SYNE2: variants seen among roughly 807,000 people sequenced by gnomAD.
SYNE2 encodes nesprin-2.
SYNE2 carries 431 observed loss-of-function variants against 856.3 expected under a neutral mutation model. The observed-to-expected ratio is 0.50, with a 90% CI of 0.47 to 0.55. SYNE2 has a LOEUF of 0.55. Ranked by LOEUF, SYNE2 falls within the 20% of genes least tolerant of loss-of-function variation. The pLI, the probability that SYNE2 is intolerant of heterozygous loss-of-function variation, is 0.00. For missense variants in SYNE2, 8,129 were observed against 8,023.2 expected, an observed-to-expected ratio of 1.01 and a Z score of -0.50; for synonymous variants, 2,923 against 2,872.3, an observed-to-expected ratio of 1.02 and a Z score of -0.56.
chr14:63,859,402 T>C lies in SYNE2; in HGVS notation c.-52+6259T>C, dbSNP rs370788000. On this transcript the variant is annotated intron_variant, in intron 1 of 115. Transcript: ENST00000555002. ...TATTCCAGTTTCCTTAGGTCATTGA[T>C]TTGTGACTTTTCTTCTTTTCTGATA... 2.6e-4 allele frequency among the ~76,000 whole-genome samples: 39 copies of C among 152,346 alleles called. 1 individual carries two copies. The highest frequency in any genetic ancestry group is 9.1e-4 in the African/African-American group (38 of 41,592).
chr14:64,055,457 C>T (rs1444119761), intron 48 of SYNE2, among the ~76,000 whole-genome samples: 1 of 151,414 alleles, frequency 6.6e-6, no homozygotes, highest in Non-Finnish European at 1.5e-5. Flanking sequence ...CAACCTCCGC[C>T]TCCCGGGTTC....
chr14:64,043,723 G>T (rs1444111421), intron 45 of SYNE2, among the ~76,000 whole-genome samples: 2 of 152,196 alleles, frequency 1.3e-5, no homozygotes, highest in Non-Finnish European at 2.9e-5. Context: ...GTGAACCTCT[G>T]CCTAGATTTC....
chr14:63,863,915 C>G (rs564614773), intron 1 of SYNE2, among the ~76,000 whole-genome samples: 4 of 152,232 alleles, frequency 2.6e-5, no homozygotes, highest in Admixed American at 1.3e-4. Flanking sequence ...ACCTCCACCT[C>G]CCGGGTTCAA....
At chr14:63,961,350 C>T (rs1022107522) in intron 8 of SYNE2, among the ~76,000 whole-genome samples, 175 bp from the exon 9 acceptor site, 6 of 152,192 alleles carry the variant, frequency 3.9e-5, no homozygotes, top group Non-Finnish European at 5.9e-5. Flanking sequence ...AACTCTTAGC[C>T]ACTGCACAGT....
chr14:64,073,905 GT>G, intron 52 of SYNE2, 62 bp from the exon 53 acceptor site: 1 of 1,551,754 alleles, frequency 6.4e-7, no homozygotes, highest in Non-Finnish European at 8.9e-7. Flanking sequence ...CAATAAAACT[GT>G]TTCATTTTAT....
intron 99 of SYNE2, among the ~76,000 whole-genome samples, chr14:64,199,128 C>A (rs1033467810): frequency 6.6e-6 from 1 of 152,172 alleles, no homozygotes; most frequent in Non-Finnish European, 1.5e-5. Flanking sequence ...CTGCTAAGAG[C>A]CCAGGTTGTA....
At chr14:64,212,156 C>T in intron 104 of SYNE2, 58 bp downstream of exon 104, 4 of 1,610,558 alleles carry the variant, frequency 2.5e-6, no homozygotes, top group Non-Finnish European at 3.4e-6. Context: ...CGTGGGAGAG[C>T]TGGCCAAGTG....
chr14:64,030,906 A>G (rs2153545217), intron 44 of SYNE2, 110 bp from the exon 45 acceptor site: 2 of 874,118 alleles, frequency 2.3e-6, no homozygotes, highest in Non-Finnish European at 3.7e-6. Context: ...TGAGTTGTTA[A>G]GTTTTTAAAT....
At chr14:64,022,404 G>T (rs1434119835) in intron 37 of SYNE2, among the ~76,000 whole-genome samples, 1 of 152,122 alleles carries the variant, frequency 6.6e-6, no homozygotes, top group East Asian at 1.9e-4. Context: ...TTGATGAATT[G>T]TAGTAAAAAT....
chr14:63,940,770 C>G, intron 3 of SYNE2, 95 bp downstream of exon 3: 1 of 1,050,078 alleles, frequency 9.5e-7, no homozygotes, highest in Non-Finnish European at 1.5e-6. Context: ...AAAAATGGTA[C>G]TGGTGATGAC....
chr14:64,219,237 G>A lies in SYNE2; in HGVS notation c.19687G>A (p.Ala6563Thr). ...CTTCGACAGATGGGAGATGATTCAAGCACAGGAGCTTCACAATAAGCTCAA... is the reference window on the plus strand; with the variant it reads ...CTTCGACAGATGGGAGATGATTCAAACACAGGAGCTTCACAATAAGCTCAA... Reference protein sequence around the residue: ...GAFDRWEMIQAQELHNKLKIK... With the variant: ...GAFDRWEMIQTQELHNKLKIK... The change falls in exon 110 of 116, where the codon GCA becomes ACA. Residue 6563 changes from alanine (A) to threonine (T), a missense_variant. Ala to Thr is a moderately conservative substitution (Grantham distance 58). Around this residue, in one of 3 missense-constraint regions of SYNE2, gnomAD observed 5,410 missense variants for 5,284.8 expected, o/e 1.02. Coordinates refer to ENST00000555002, the MANE Select transcript of SYNE2 (RefSeq NM_182914.3). 6.2e-7 allele frequency: 1 copy of A among 1,612,942 alleles called. No individual in the cohort carries two copies. Among genetic ancestry groups the A allele is most frequent in the Non-Finnish European group, 8.5e-7 (1 of 1,179,744 alleles).
intron 2 of SYNE2, among the ~76,000 whole-genome samples, chr14:63,910,738 C>T (rs1303948609): frequency 1.3e-5 from 2 of 152,166 alleles, no homozygotes; most frequent in African/African-American, 4.8e-5. Context: ...AGAGTTCCCA[C>T]ACTGCAGCTG....
At chr14:63,953,810 A>G (rs1216960828) in intron 7 of SYNE2, among the ~76,000 whole-genome samples, 2 of 152,182 alleles carry the variant, frequency 1.3e-5, no homozygotes, top group Admixed American at 6.5e-5. Flanking sequence ...TGACTACTCT[A>G]CATACCTCAT....
rs1467020277 is a variant in SYNE2 at position 64,225,685 on chromosome 14, G to A, written c.*159G>A. 3.7e-6 allele frequency: 3 copies of A among 807,124 alleles called. No individual in the cohort carries two copies. Among genetic ancestry groups the A allele is most frequent in the Non-Finnish European group, 6.2e-6 (3 of 484,316 alleles). The allele number at this position is 807,124 out of a possible 1,614,324, so 50.0% of individuals were successfully genotyped here. ...CAGCACGGGCTCCCTGGAGCCCAGG[G>A]CAGCTTTCAGATTGTGTTCCTCCCC... On this transcript the variant is annotated 3_prime_UTR_variant, in exon 116 of 116. Coordinates refer to ENST00000555002, the MANE Select transcript of SYNE2 (RefSeq NM_182914.3).
At chr14:64,152,889 C>G (rs937338742) in intron 85 of SYNE2, among the ~76,000 whole-genome samples, 173 bp downstream of exon 85, 1 of 152,186 alleles carries the variant, frequency 6.6e-6, no homozygotes, top group African/African-American at 2.4e-5. Flanking sequence ...TTTATGCACT[C>G]AATAATTAGA....
At chr14:63,805,726 A>G (rs149606777) in intron 1 of SYNE2, among the ~76,000 whole-genome samples, 323 of 152,148 alleles carry the variant, frequency 2.1e-3, no homozygotes, top group African/African-American at 7.4e-3. Context: ...GGTATTTTGT[A>G]CGTGTGTGTG....
At position 63,983,800 on chromosome 14, in the gene SYNE2, A is replaced by T; in HGVS notation, c.2065A>T (p.Ile689Phe). 6.2e-7 allele frequency: 1 copy of T among 1,612,178 alleles called. No homozygotes were observed. The highest frequency in any genetic ancestry group is 8.5e-7 in the Non-Finnish European group (1 of 1,178,466). Residue 689 changes from isoleucine (I) to phenylalanine (F), a missense_variant, in exon 18 of 116, where the codon ATT becomes TTT. Physicochemically the swap from Ile to Phe is conservative, Grantham distance 21 (BLOSUM62 0). This residue lies in a region of SYNE2 where 2,422 missense variants were observed against 2,357.4 expected (regional missense o/e 1.03). Transcript: ENST00000555002. ...DQPTFDNSGN[I>F]LSKEEKATVE... The stretch of plus-strand genomic sequence containing the variant: ...GCCCACTTTTGACAATTCTGGAAAT[A>T]TTCTATCTAAAGAAGAGAAAGCAAC...
At chr14:63,973,369 C>T (rs1034022005) in intron 11 of SYNE2, among the ~76,000 whole-genome samples, 2 of 150,930 alleles carry the variant, frequency 1.3e-5, no homozygotes, top group African/African-American at 4.9e-5. Flanking sequence ...CAGTGGCTCA[C>T]GCCTGTAATC....
At chr14:63,796,733 C>T (rs968659013) in intron 1 of SYNE2, among the ~76,000 whole-genome samples, 96 of 151,672 alleles carry the variant, frequency 6.3e-4, no homozygotes, top group African/African-American at 2.0e-3. Context: ...AGATATAACT[C>T]AGATTTCAAG....
Sources: allele counts gnomAD v4.1 joint callset (sites outside exome capture counted in the v4.1 genomes callset), GRCh38; gene constraint gnomAD v4.1.1; regional missense constraint gnomAD v4.1.1; transcripts MANE v1.5; gene names NCBI Gene and HGNC (gene_info 2026-07-23, HGNC 2026-07-21).